The following NCAM2 variants were observed in gnomAD, a reference collection of about 807,000 sequenced individuals.
NCAM2 encodes N-CAM-2.
NCAM2 carries 30 observed loss-of-function variants against 98.1 expected under a neutral mutation model. The observed-to-expected ratio is 0.31, with a 90% CI of 0.23 to 0.41. The LOEUF (loss-of-function observed/expected upper bound fraction) is 0.41. Ranked by LOEUF, NCAM2 falls within the 10% of genes least tolerant of loss-of-function variation. The probability of loss-of-function intolerance (pLI) is 1.00; values close to 1 mark genes in which losing one functional copy is unlikely to be tolerated. For synonymous variants in NCAM2, 368 were observed against 342.4 expected (o/e 1.07, Z -0.83); for missense variants, 867 against 1,005.8 (o/e 0.86, Z 1.87).
chr21:21,464,633 G>A (rs552053809), intron 12 of NCAM2, among the ~76,000 whole-genome samples: 1 of 152,158 alleles, frequency 6.6e-6, no homozygotes, highest in Admixed American at 6.6e-5. Context: ...CTGACTTTCA[G>A]CAGAGGCTTT....
chr21:21,422,092 G>C (rs56846411), intron 11 of NCAM2, among the ~76,000 whole-genome samples: 13,519 of 152,066 alleles, frequency 0.089, 702 homozygotes, highest in East Asian at 0.15. Flanking sequence ...GTGTTGCAGG[G>C]GTCCAGTGTT....
At chr21:21,030,134 T>C (rs1238899491) in intron 1 of NCAM2, among the ~76,000 whole-genome samples, 1 of 152,186 alleles carries the variant, frequency 6.6e-6, no homozygotes, top group Non-Finnish European at 1.5e-5. Context: ...TCTTTCCTAT[T>C]TCTTGAACAT....
intron 1 of NCAM2, among the ~76,000 whole-genome samples, chr21:21,154,041 T>A (rs960590981): frequency 6.6e-6 from 1 of 151,676 alleles, no homozygotes; most frequent in Non-Finnish European, 1.5e-5. Context: ...AGAGAAGAGG[T>A]CATATTATTT....
At chr21:21,421,658 A>G (rs1385530216) in intron 11 of NCAM2, among the ~76,000 whole-genome samples, 1 of 152,196 alleles carries the variant, frequency 6.6e-6, no homozygotes, top group Non-Finnish European at 1.5e-5. Context: ...GTGATTTTAA[A>G]TAAGATGTAA....
intron 1 of NCAM2, among the ~76,000 whole-genome samples, chr21:21,208,258 G>A (rs1429834279): frequency 1.3e-5 from 2 of 152,112 alleles, no homozygotes; most frequent in East Asian, 1.9e-4. Context: ...GGACAATGGT[G>A]TATGACCTTG....
At chr21:21,287,459 A>G (rs987778515) in intron 4 of NCAM2, among the ~76,000 whole-genome samples, 50 of 151,960 alleles carry the variant, frequency 3.3e-4, no homozygotes, top group Non-Finnish European at 6.6e-4. Flanking sequence ...GTTCTGTTTC[A>G]GCATAACTCT....
At chr21:21,287,322 A>G (rs1336870254) in intron 4 of NCAM2, among the ~76,000 whole-genome samples, 2 of 152,050 alleles carry the variant, frequency 1.3e-5, no homozygotes, top group East Asian at 1.9e-4. Flanking sequence ...TGTGGGGAGA[A>G]TGTATGATAA....
chr21:21,135,762 A>G lies in NCAM2; in HGVS notation c.55+137144A>G, dbSNP rs550762284. ...TAGGAACCAACCTGTGCTTTTTTCA[A>G]CCTTTTCCACTGGGACTCCAAGTTC... On this transcript the variant is annotated intron_variant, in intron 1 of 17. Transcript: ENST00000400546. 3.9e-4 allele frequency among the ~76,000 whole-genome samples: 60 copies of G among 152,094 alleles called. No homozygotes were observed. In the South Asian group the frequency reaches 7.5e-3, roughly 19 times the overall value.
intron 4 of NCAM2, among the ~76,000 whole-genome samples, chr21:21,291,006 A>G (rs58838559): frequency 0.5 from 2,191 of 4,384 alleles, 51 homozygotes; most frequent in African/African-American, 0.51. Context: ...CTCATAATCA[A>G]GCCACAGATA....
intron 1 of NCAM2, among the ~76,000 whole-genome samples, chr21:21,026,171 G>C (rs1440970180): frequency 3.9e-5 from 6 of 152,148 alleles, no homozygotes; most frequent in Non-Finnish European, 7.3e-5. Flanking sequence ...AAGGAAGCAA[G>C]AGCCGGGCTC....
chr21:21,212,983 G>A (rs1409502829), intron 1 of NCAM2, among the ~76,000 whole-genome samples: 3 of 151,906 alleles, frequency 2.0e-5, no homozygotes, highest in Non-Finnish European at 2.9e-5. Context: ...CTCATGATCC[G>A]CCCGCCTTGG....
rs545815040 is a variant in NCAM2 at position 21,022,930 on chromosome 21, A to G, written c.55+24312A>G. 8.5e-5 allele frequency among the ~76,000 whole-genome samples: 13 copies of G among 152,338 alleles called. No individual in the cohort carries two copies. In the South Asian group the frequency reaches 2.3e-3, roughly 27 times the overall value. ...AATAAAAGTTAGAGTAGAAGAAGTCAACCATTGTAAACATGTATTTGATTT... is the reference window on the plus strand; with the variant it reads ...AATAAAAGTTAGAGTAGAAGAAGTCGACCATTGTAAACATGTATTTGATTT... On this transcript the variant is annotated intron_variant, in intron 1 of 17. Transcript: ENST00000400546.
intron 15 of NCAM2, among the ~76,000 whole-genome samples, chr21:21,496,046 C>T (rs1402142816): frequency 6.7e-6 from 1 of 149,062 alleles, no homozygotes; most frequent in South Asian, 2.1e-4. Flanking sequence ...TGAAAACATG[C>T]CCTTTAACAA....
rs968910165 is a variant in NCAM2 at position 21,286,370 on chromosome 21, A to T, written c.439A>T (p.Ser147Cys). 6.2e-7 allele frequency: 1 copy of T among 1,612,478 alleles called. No individual in the cohort carries two copies. The highest frequency in any genetic ancestry group is 8.5e-7 in the Non-Finnish European group (1 of 1,179,008). Reference sequence around the variant, plus strand: ...TAGCAGTTCACCTGCACCTGCTGTCAGCTGGTTGTATCATAATGAGGAAGT... The same window carrying T: ...TAGCAGTTCACCTGCACCTGCTGTCTGCTGGTTGTATCATAATGAGGAAGT... ...RVSSSPAPAV[S>C]WLYHNEEVTT... Residue 147 changes from serine (S) to cysteine (C), a missense_variant, in exon 4 of 18, where the codon AGC (serine) becomes TGC (cysteine). Coordinates refer to ENST00000400546, the MANE Select transcript of NCAM2 (RefSeq NM_004540.5).
At chr21:21,141,185 T>A (rs533397276) in intron 1 of NCAM2, among the ~76,000 whole-genome samples, 3 of 152,314 alleles carry the variant, frequency 2.0e-5, no homozygotes, top group Admixed American at 6.5e-5. Context: ...TTTCAAGTTT[T>A]TCGCTAGAAA....
chr21:21,244,483 T>G (rs932147901), intron 1 of NCAM2, among the ~76,000 whole-genome samples: 1 of 152,176 alleles, frequency 6.6e-6, no homozygotes, highest in African/African-American at 2.4e-5. Context: ...AAAATTACCT[T>G]AAATAATTTT....
At chr21:21,200,473 C>T (rs912598611) in intron 1 of NCAM2, among the ~76,000 whole-genome samples, 1 of 149,676 alleles carries the variant, frequency 6.7e-6, no homozygotes, top group Non-Finnish European at 1.5e-5. Flanking sequence ...CTAGCTGTTA[C>T]TTTTCAACGT....
intron 12 of NCAM2, among the ~76,000 whole-genome samples, chr21:21,463,584 C>T (rs1221768600): frequency 2.0e-5 from 3 of 152,094 alleles, no homozygotes; most frequent in Non-Finnish European, 4.4e-5. Flanking sequence ...GTGCCCTCTT[C>T]GCTCCTTTCT....
At chr21:21,138,944 T>A (rs527739294) in intron 1 of NCAM2, among the ~76,000 whole-genome samples, 1 of 152,322 alleles carries the variant, frequency 6.6e-6, no homozygotes, top group African/African-American at 2.4e-5. Flanking sequence ...TAATGATAAA[T>A]AATAGTTATA....
Sources: allele counts gnomAD v4.1 joint callset (sites outside exome capture counted in the v4.1 genomes callset), GRCh38; gene constraint gnomAD v4.1.1; transcripts MANE v1.5; gene names NCBI Gene and HGNC (gene_info 2026-07-23, HGNC 2026-07-21).